CDH18: variants seen among roughly 807,000 people sequenced by gnomAD.
CDH18 encodes cadherin 18, also known as cadherin-18.
CDH18 carries 31 observed loss-of-function variants against 67.9 expected under a neutral mutation model. The ratio of observed to expected loss-of-function variants is 0.46; its 90% CI spans 0.34 to 0.62. The LOEUF (loss-of-function observed/expected upper bound fraction) is 0.62. CDH18 is among the 20% of genes least tolerant of loss of function. CDH18 has a pLI of 0.01. For missense variants in CDH18, 890 were observed against 975.5 expected (o/e 0.91, Z 1.17); for synonymous variants, 362 against 347.2 (o/e 1.04, Z -0.48).
Position 19,861,148 on chromosome 5 carries a change from C to T in CDH18, c.-256-21906G>A, listed in dbSNP as rs115557648. Among the ~76,000 whole-genome samples, 779 of 152,282 alleles carry T rather than the reference C, an allele frequency of 5.1e-3. 5 individuals carry two copies. Among genetic ancestry groups the T allele is most frequent in the African/African-American group, 0.018 (741 of 41,556 alleles). ...TTATTAGCAAGTGAAGGTCTCAGTGCCTCATGCATTTCTGTACAAACTTGC... is the reference window on the plus strand; with the variant it reads ...TTATTAGCAAGTGAAGGTCTCAGTGTCTCATGCATTTCTGTACAAACTTGC... On this transcript the variant is annotated intron_variant, in intron 2 of 12. Transcript: ENST00000382275.
At chr5:19,782,808 T>C in intron 3 of CDH18, among the ~76,000 whole-genome samples, 1 of 152,208 alleles carries the variant, frequency 6.6e-6, no homozygotes, top group East Asian at 1.9e-4. Flanking sequence ...CTTCTTGTTT[T>C]GATAAAAACT....
chr5:19,881,291 A>C (rs1373079601), intron 2 of CDH18, among the ~76,000 whole-genome samples: 4 of 152,172 alleles, frequency 2.6e-5, no homozygotes, highest in African/African-American at 9.7e-5. Flanking sequence ...TGTGCTACCC[A>C]CTATTGATTA....
chr5:19,716,556 T>G (rs1434313794), intron 5 of CDH18, among the ~76,000 whole-genome samples: 1 of 151,512 alleles, frequency 6.6e-6, no homozygotes, highest in African/African-American at 2.4e-5. Flanking sequence ...GTGTAGGGAA[T>G]TTTACTTGAT....
chr5:20,242,629 T>C (rs1289957065), intron 2 of CDH18, among the ~76,000 whole-genome samples: 21 of 120,780 alleles, frequency 1.7e-4, no homozygotes, highest in African/African-American at 7.4e-4. Flanking sequence ...TATATATATA[T>C]ATATGTATAT....
Position 20,193,687 on chromosome 5 carries a change from T to C in CDH18, c.-518+61757A>G, listed in dbSNP as rs545226619. Among the ~76,000 whole-genome samples, 20 of 152,212 alleles carry C rather than the reference T, an allele frequency of 1.3e-4. 1 individual carries two copies. Among genetic ancestry groups the C allele is most frequent in the Admixed American group, 1.2e-3 (18 of 15,278 alleles). ...GCCAATATCCCTGGATGAACACTGA[T>C]GCCAAAATCCCCAATAAAATACTGG... On this transcript the variant is annotated intron_variant, in intron 2 of 14. Coordinates refer to the CDH18 transcript ENST00000507958.
At chr5:19,597,109 C>T (rs992921130) in intron 6 of CDH18, among the ~76,000 whole-genome samples, 1 of 152,174 alleles carries the variant, frequency 6.6e-6, no homozygotes, top group East Asian at 1.9e-4. Context: ...TTGTATCACT[C>T]TCTGGGGCAA....
At chr5:20,223,867 C>T (rs1337941823) in intron 2 of CDH18, among the ~76,000 whole-genome samples, 2 of 152,020 alleles carry the variant, frequency 1.3e-5, no homozygotes, top group African/African-American at 2.4e-5. Flanking sequence ...TGTGAAGCCT[C>T]GCAAGCCATA....
At chr5:20,089,542 A>G (rs915298137) in intron 2 of CDH18, among the ~76,000 whole-genome samples, 1 of 152,168 alleles carries the variant, frequency 6.6e-6, no homozygotes, top group Non-Finnish European at 1.5e-5. Context: ...TGACTTAGAT[A>G]GATTATGACA....
At chr5:19,778,051 C>A (rs767277639) in intron 3 of CDH18, among the ~76,000 whole-genome samples, 1 of 151,962 alleles carries the variant, frequency 6.6e-6, no homozygotes, top group Admixed American at 6.6e-5. Context: ...AAAAGATAAC[C>A]TGAATAGCCC....
At chr5:20,256,935 A>G (rs1744279219) in intron 1 of CDH18, among the ~76,000 whole-genome samples, 1 of 123,098 alleles carries the variant, frequency 8.1e-6, no homozygotes, top group Non-Finnish European at 1.8e-5. Context: ...GCTTGGTGGT[A>G]TCTATCTATC....
intron 3 of CDH18, among the ~76,000 whole-genome samples, chr5:19,794,711 A>G (rs1776684911): frequency 6.6e-6 from 1 of 152,122 alleles, no homozygotes; most frequent in Non-Finnish European, 1.5e-5. Context: ...TGAAATATAC[A>G]GGTATAAATC....
intron 3 of CDH18, among the ~76,000 whole-genome samples, chr5:19,808,974 G>A (rs1395430802): frequency 5.3e-5 from 8 of 151,586 alleles, no homozygotes; most frequent in Non-Finnish European, 1.2e-4. Context: ...CTGTGTGAAA[G>A]TATCAAAGCA....
chr5:20,078,610 T>G (rs1160655839), intron 2 of CDH18, among the ~76,000 whole-genome samples: 2 of 152,008 alleles, frequency 1.3e-5, no homozygotes, highest in African/African-American at 4.8e-5. Flanking sequence ...TTTTATTTAT[T>G]TATTTATTGA....
chr5:20,305,091 A>T, intron 1 of CDH18: 3 of 1,574,602 alleles, frequency 1.9e-6, no homozygotes, highest in Non-Finnish European at 2.6e-6. Context: ...CCAAGGCGGT[A>T]GGGCCATTTG....
chr5:20,544,528 G>A (rs552718982), intron 1 of CDH18, among the ~76,000 whole-genome samples: 1 of 151,982 alleles, frequency 6.6e-6, no homozygotes, highest in South Asian at 2.1e-4. Flanking sequence ...CAATCATATT[G>A]GAAGGCAAAG....
chr5:20,148,459 T>A (rs1750842321), intron 2 of CDH18, among the ~76,000 whole-genome samples: 1 of 152,144 alleles, frequency 6.6e-6, no homozygotes, highest in African/African-American at 2.4e-5. Context: ...AAAAATATTT[T>A]GATTCTAAAA....
At chr5:20,047,366 C>T (rs750132505) in intron 2 of CDH18, among the ~76,000 whole-genome samples, 6 of 151,664 alleles carry the variant, frequency 4.0e-5, no homozygotes, top group Non-Finnish European at 7.4e-5. Context: ...ATAATACATG[C>T]GAAATCATTT....
chr5:19,548,940 G>C (rs1007064451), intron 8 of CDH18, among the ~76,000 whole-genome samples: 7 of 151,896 alleles, frequency 4.6e-5, no homozygotes, highest in African/African-American at 1.7e-4. Context: ...GGTAGAGACG[G>C]GGTTTCACCA....
In CDH18 at chr5:19,782,736, G is replaced by A. The variant is rs563398112; in HGVS notation, c.229-35500C>T. 3.3e-5 allele frequency among the ~76,000 whole-genome samples: 5 copies of A among 152,142 alleles called. No homozygotes were observed. The East Asian group carries it at 9.7e-4, about 30-fold the overall frequency. On this transcript the variant is annotated intron_variant, in intron 3 of 12. Coordinates refer to ENST00000382275, the MANE Select transcript of CDH18 (RefSeq NM_004934.5). ...CCTGCACTGTAAAATGAGAATGATA[G>A]CAATACTCCCTAATTCTTAGGTATG... is the stretch of plus-strand genomic sequence containing the variant.
Sources: allele counts gnomAD v4.1 joint callset (sites outside exome capture counted in the v4.1 genomes callset), GRCh38; gene constraint gnomAD v4.1.1; transcripts MANE v1.5; gene names NCBI Gene and HGNC (gene_info 2026-07-23, HGNC 2026-07-21).